The following SYCP2L variants were observed in gnomAD, a reference collection of about 807,000 sequenced individuals.
The protein encoded by SYCP2L is synaptonemal complex protein 2-like.
In SYCP2L, 98 loss-of-function variants were observed where a neutral mutation model predicts 125.8. The observed-to-expected ratio is 0.78, with a 90% confidence interval of 0.66 to 0.92. The LOEUF is 0.92. Among genes scored for constraint, SYCP2L ranks in the 40% least tolerant of loss-of-function variants. The probability of loss-of-function intolerance (pLI) is 0.00; values close to 1 mark genes in which losing one functional copy is unlikely to be tolerated. For synonymous variants in SYCP2L, 317 were observed against 325.4 expected (o/e 0.97, Z 0.28); for missense variants, 842 against 936.4 (o/e 0.90, Z 1.32).
At chr6:10,911,734 G>A (rs568878869) in intron 12 of SYCP2L, among the ~76,000 whole-genome samples, 2 of 152,080 alleles carry the variant, frequency 1.3e-5, no homozygotes, top group African/African-American at 4.8e-5. Flanking sequence ...TTGGCTTCCA[G>A]GAACATGTAT....
In SYCP2L at chr6:10,899,306, C is replaced by T. The variant is rs78205704; in HGVS notation, c.466+458C>T. On this transcript the variant is annotated intron_variant, in intron 6 of 29. Coordinates refer to ENST00000283141, the MANE Select transcript of SYCP2L (RefSeq NM_001040274.3). The stretch of plus-strand genomic sequence containing the variant: ...CTCACGCCTGTATTCCCAGCACTTT[C>T]GGAGGCTGAGGAGGGAGAATTGATT... 4.9e-3 allele frequency among the ~76,000 whole-genome samples: 746 copies of T among 152,118 alleles called. 10 individuals carry two copies. Among genetic ancestry groups the T allele is most frequent in the African/African-American group, 0.016 (671 of 41,496 alleles).
intron 29 of SYCP2L, among the ~76,000 whole-genome samples, chr6:10,968,090 A>G (rs1165594406): frequency 6.6e-6 from 1 of 152,190 alleles, no homozygotes; most frequent in Non-Finnish European, 1.5e-5. Flanking sequence ...AATGGGTTCA[A>G]TGGATGGGCA....
chr6:10,938,829 A>G (rs1300417284), intron 21 of SYCP2L, among the ~76,000 whole-genome samples: 3 of 152,200 alleles, frequency 2.0e-5, no homozygotes, highest in Non-Finnish European at 4.4e-5. Flanking sequence ...AAAGAAATCA[A>G]GAAAATCTCA....
At chr6:10,906,932 G>T (rs752782660) in intron 9 of SYCP2L, among the ~76,000 whole-genome samples, 3 of 151,214 alleles carry the variant, frequency 2.0e-5, no homozygotes, top group Admixed American at 2.0e-4. Flanking sequence ...TTGATGATTT[G>T]GTTTGAATGA....
At chr6:10,913,353 C>G (rs1780640425) in intron 14 of SYCP2L, among the ~76,000 whole-genome samples, 1 of 152,134 alleles carries the variant, frequency 6.6e-6, no homozygotes, top group African/African-American at 2.4e-5. Context: ...AAGGACATGG[C>G]TGTCAGGAAA....
intron 8 of SYCP2L, among the ~76,000 whole-genome samples, chr6:10,903,793 T>C (rs1485735342): frequency 6.6e-6 from 1 of 151,906 alleles, no homozygotes; most frequent in East Asian, 1.9e-4. Flanking sequence ...AAAAAAGACA[T>C]TCCTAGATTT....
At chr6:10,960,337 G>A (rs1425000463) in intron 26 of SYCP2L, among the ~76,000 whole-genome samples, 1 of 152,094 alleles carries the variant, frequency 6.6e-6, no homozygotes, top group East Asian at 1.9e-4. Context: ...ACTTTGGATT[G>A]GTGGAATTCC....
chr6:10,933,269 CTT>C (rs2113361935), intron 20 of SYCP2L, among the ~76,000 whole-genome samples: 1 of 152,340 alleles, frequency 6.6e-6, no homozygotes, highest in South Asian at 2.1e-4. Context: ...CATGCAATCT[CTT>C]TGGCAACTAC....
chr6:10,910,784 C>A, intron 11 of SYCP2L, 40 bp from the exon 12 acceptor site: 1 of 1,605,878 alleles, frequency 6.2e-7, no homozygotes, highest in Non-Finnish European at 8.5e-7. Flanking sequence ...GTTTAAGATT[C>A]ATTCATGTTT....
At chr6:10,905,572 G>T (rs1400151681) in intron 8 of SYCP2L, among the ~76,000 whole-genome samples, 1 of 152,158 alleles carries the variant, frequency 6.6e-6, no homozygotes, top group Non-Finnish European at 1.5e-5. Context: ...GATTACAGGC[G>T]TGAGCCACTG....
intron 14 of SYCP2L, among the ~76,000 whole-genome samples, chr6:10,919,628 C>T (rs893921827): frequency 1.1e-4 from 17 of 151,768 alleles, no homozygotes; most frequent in African/African-American, 4.1e-4. Flanking sequence ...GGGTGGGGCC[C>T]TAGAACTCCC....
At chr6:10,894,829 A>G (rs988794738) in intron 4 of SYCP2L, among the ~76,000 whole-genome samples, 100 of 152,134 alleles carry the variant, frequency 6.6e-4, no homozygotes, top group Non-Finnish European at 1.1e-3. Flanking sequence ...TGCAGCCCAG[A>G]GGCAAGTTTG....
At chr6:10,923,072 T>C (rs1780827453) in intron 14 of SYCP2L, among the ~76,000 whole-genome samples, 1 of 152,210 alleles carries the variant, frequency 6.6e-6, no homozygotes, top group South Asian at 2.1e-4. Context: ...CGGTTAGTAC[T>C]AGGCATGCTT....
chr6:10,902,622 G>A (rs1780398181), intron 6 of SYCP2L, 55 bp from the exon 7 acceptor site: 1 of 1,475,394 alleles, frequency 6.8e-7, no homozygotes, highest in East Asian at 2.3e-5. Flanking sequence ...GTGTGTAGGA[G>A]TCATTTTCTT....
chr6:10,920,597 T>C (rs1348831113), intron 14 of SYCP2L, among the ~76,000 whole-genome samples: 2 of 152,226 alleles, frequency 1.3e-5, no homozygotes, highest in Admixed American at 6.5e-5. Flanking sequence ...GTAAATGTTA[T>C]AATTGCGTTC....
intron 23 of SYCP2L, among the ~76,000 whole-genome samples, chr6:10,948,825 A>G (rs1451250081): frequency 1.3e-5 from 2 of 152,054 alleles, no homozygotes; most frequent in East Asian, 1.9e-4. Context: ...GAATTTGGGG[A>G]ATTTGGGGGA....
intron 21 of SYCP2L, among the ~76,000 whole-genome samples, chr6:10,939,119 C>T (rs1309388817): frequency 7.7e-6 from 1 of 130,126 alleles, no homozygotes; most frequent in Non-Finnish European, 1.7e-5. Context: ...GACTCCATCT[C>T]AAAAAAAAAA....
At chr6:10,950,816 A>G (rs927018999) in intron 23 of SYCP2L, among the ~76,000 whole-genome samples, 30 of 152,104 alleles carry the variant, frequency 2.0e-4, no homozygotes, top group Non-Finnish European at 4.1e-4. Context: ...GCATGCCACC[A>G]CACCCAACGG....
chr6:10,897,960 G>A, intron 4 of SYCP2L, 51 bp from the exon 5 acceptor site: 1 of 1,163,000 alleles, frequency 8.6e-7, no homozygotes. Flanking sequence ...CAATTTTATT[G>A]AATAGGCAGC....
Sources: allele counts gnomAD v4.1 joint callset (sites outside exome capture counted in the v4.1 genomes callset), GRCh38; gene constraint gnomAD v4.1.1; transcripts MANE v1.5; gene names NCBI Gene and HGNC (gene_info 2026-07-23, HGNC 2026-07-21).